TRAF2: variants seen among roughly 807,000 people sequenced by gnomAD.
TRAF2 encodes the protein TNF receptor-associated factor 2.
In TRAF2, 6 loss-of-function variants were observed where a neutral mutation model predicts 55.6. The observed-to-expected ratio is 0.11, with a 90% confidence interval of 0.06 to 0.21. The LOEUF (loss-of-function observed/expected upper bound fraction) is 0.21, where lower values mean the gene tolerates loss of function less well. Ranked by LOEUF, TRAF2 falls within the 10% of genes least tolerant of loss-of-function variation. The pLI is 1.00. For synonymous variants in TRAF2, 329 were observed against 276.3 expected (o/e 1.19, Z -1.89); for missense variants, 561 against 684.5 (o/e 0.82, Z 2.01).
At chr9:136,897,317 A>G (rs983893139) in intron 1 of TRAF2, among the ~76,000 whole-genome samples, 1 of 151,746 alleles carries the variant, frequency 6.6e-6, no homozygotes, top group African/African-American at 2.4e-5. Flanking sequence ...GCAGAAGGAG[A>G]GGGCATGGTG....
At chr9:136,906,389 AAGG>A (rs529541585) in intron 4 of TRAF2, among the ~76,000 whole-genome samples, 56 of 152,298 alleles carry the variant, frequency 3.7e-4, no homozygotes, top group Non-Finnish European at 6.0e-4. Flanking sequence ...GAGGAAGGCA[AAGG>A]AGGAGAAAGG....
chr9:136,916,963 G>T (rs2131323327), intron 7 of TRAF2, among the ~76,000 whole-genome samples: 1 of 152,204 alleles, frequency 6.6e-6, no homozygotes, highest in South Asian at 2.1e-4. Context: ...CTGTCTCCCT[G>T]CCCCCATCTC....
At chr9:136,896,903 C>A (rs546907982) in intron 1 of TRAF2, among the ~76,000 whole-genome samples, 234 of 152,268 alleles carry the variant, frequency 1.5e-3, no homozygotes, top group Non-Finnish European at 2.9e-3. Flanking sequence ...AGTTGTAGTT[C>A]GTTGAGAGGG....
At chr9:136,882,080 G>A, upstream of TRAF2, 1 of 981,228 alleles carries the variant, frequency 1.0e-6, no homozygotes, top group Non-Finnish European at 1.2e-6. Context: ...AGGGTCCCTT[G>A]TTCATGGTCC....
intron 6 of TRAF2, among the ~76,000 whole-genome samples, chr9:136,913,295 A>ATTT (rs369765173): frequency 0.095 from 8,257 of 86,892 alleles, 939 homozygotes; most frequent in Middle Eastern, 0.14. Context: ...TTATAAAGGA[A>ATTT]TTTTTTTTTT....
rs183542282 is a variant in TRAF2, at chr9:136,922,545, A to G, written c.1139-1307A>G. 1.3e-3 allele frequency: 202 copies of G among 155,380 alleles called. No homozygotes were observed. In the Middle Eastern group the frequency reaches 0.023, roughly 17 times the overall value. 9.6% of individuals were successfully genotyped at this position (155,380 alleles called of 1,614,324 possible). A position where few individuals can be genotyped will look rare whatever the true frequency, so the allele number is the denominator to read the frequency against. On this transcript the variant is annotated intron_variant, in intron 9 of 10. Coordinates refer to ENST00000247668, the MANE Select transcript of TRAF2 (RefSeq NM_021138.4). ...TCTGCTTTAAGCAATGCTGGTGAAC[A>G]CAGCTTGTGTGCGGCACGCGTGCAG...
intron 8 of TRAF2, 22 bp from the exon 9 acceptor site, chr9:136,921,016 A>AGGT (rs780647572): frequency 1.2e-6 from 2 of 1,612,566 alleles, no homozygotes; most frequent in African/African-American, 2.7e-5. Context: ...GTAAGAGGGA[A>AGGT]GGTGGTCTTG....
intron 9 of TRAF2, among the ~76,000 whole-genome samples, chr9:136,922,689 C>CG (rs1850418313): frequency 1.6e-5 from 1 of 60,894 alleles, no homozygotes; most frequent in Non-Finnish European, 2.9e-5. Flanking sequence ...GTGTGGAGGA[C>CG]AGGGATGGGG....
chr9:136,903,547 TTTA>T (rs1849871537), intron 4 of TRAF2, among the ~76,000 whole-genome samples: 1 of 151,688 alleles, frequency 6.6e-6, no homozygotes, highest in African/African-American at 2.4e-5. Flanking sequence ...TTTTTTTTTT[TTTA>T]AACTGTGTCT....
Position 136,921,057 on chromosome 9 carries a change from G to A in TRAF2, c.980G>A (p.Ser327Asn), listed in dbSNP as rs1323086155. The change falls in exon 9 of 11, where the codon AGC becomes AAC. Residue 327 changes from serine (S) to asparagine (N), a missense_variant. By Grantham distance (46) the Ser-to-Asn change is conservative (BLOSUM62 1). This residue lies in a region of TRAF2 where 426 missense variants were observed against 476.8 expected (regional missense o/e 0.89). Coordinates refer to ENST00000247668, the MANE Select transcript of TRAF2 (RefSeq NM_021138.4). ...LSSKVQQLER[S>N]IGLKDLAMAD... is the part of the protein sequence containing the mutation. ...CGGCAGGTGCAGCAGCTGGAGAGGA[G>A]CATTGGCCTCAAGGACCTGGCGATG... The A allele has an allele frequency of 6.2e-7, 1 of 1,613,860 alleles. No individual in the cohort carries two copies. The highest frequency in any genetic ancestry group is 8.5e-7 in the Non-Finnish European group (1 of 1,180,014).
chr9:136,921,962 GC>G (rs1564422004), intron 9 of TRAF2, among the ~76,000 whole-genome samples: 1 of 152,204 alleles, frequency 6.6e-6, no homozygotes, highest in Non-Finnish European at 1.5e-5. Context: ...CTCAGAACAC[GC>G]CCTCGTGCAG....
At chr9:136,915,814 A>G (rs1248482303) in intron 6 of TRAF2, among the ~76,000 whole-genome samples, 2 of 152,180 alleles carry the variant, frequency 1.3e-5, no homozygotes, top group South Asian at 4.1e-4. Flanking sequence ...TTTGGGGGAA[A>G]TTGTTCAAGG....
rs1022459332 is a variant in TRAF2, at chr9:136,899,760, C to T, written c.267+88C>T. 10 of 1,306,020 alleles carry T rather than the reference C, an allele frequency of 7.7e-6. No homozygotes were observed. In the African/African-American group the frequency reaches 1.3e-4, roughly 17 times the overall value. The allele number at this position is 1,306,020 out of a possible 1,614,324, so 80.9% of individuals were successfully genotyped here. A position where few individuals can be genotyped will look rare whatever the true frequency, so the allele number is the denominator to read the frequency against. On this transcript the variant is annotated intron_variant, in intron 3 of 10. Transcript: ENST00000247668. ...ATGGGTGGGGCTGGGCACAGTGGCTCACACCTGTAATCCCAGCACTTTGGG... is the reference window on the plus strand; with the variant it reads ...ATGGGTGGGGCTGGGCACAGTGGCTTACACCTGTAATCCCAGCACTTTGGG...
chr9:136,909,666 A>C (rs1046235087), intron 5 of TRAF2, among the ~76,000 whole-genome samples: 1 of 152,200 alleles, frequency 6.6e-6, no homozygotes, highest in African/African-American at 2.4e-5. Context: ...CGTGGCTTCC[A>C]AATCTCCTCT....
rs147753141 is a variant in TRAF2 at position 136,909,780 on chromosome 9, A to G, written c.529-140A>G. On this transcript the variant is annotated intron_variant, in intron 5 of 10. Coordinates refer to ENST00000247668, the MANE Select transcript of TRAF2 (RefSeq NM_021138.4). The stretch of plus-strand genomic sequence containing the variant: ...TGCTGGCAGGATCCTGCCCGGGAGG[A>G]GCACTGTCCTTCGAGGCTGGAGGGT... 1,029 of 776,284 alleles carry G rather than the reference A, an allele frequency of 1.3e-3. 7 individuals are homozygous for G. The African/African-American group carries it at 0.016, about 12-fold the overall frequency. 48.1% of individuals were successfully genotyped at this position (776,284 alleles called of 1,614,324 possible). A position where few individuals can be genotyped will look rare whatever the true frequency, so the allele number is the denominator to read the frequency against.
chr9:136,883,495 T>C (rs567903595), upstream of TRAF2, among the ~76,000 whole-genome samples: 6 of 152,236 alleles, frequency 3.9e-5, no homozygotes, highest in South Asian at 1.0e-3. Flanking sequence ...CTGAAGGAAG[T>C]AGAGTGTCCT....
upstream of TRAF2, chr9:136,882,153 C>T (rs1329222570): frequency 3.1e-6 from 2 of 643,398 alleles, no homozygotes; most frequent in Non-Finnish European, 1.9e-6. Context: ...GCTCTGTCGT[C>T]CCAAGACCTG....
intron 6 of TRAF2, among the ~76,000 whole-genome samples, chr9:136,910,832 C>T (rs1203916649): frequency 6.6e-6 from 1 of 152,252 alleles, no homozygotes; most frequent in Non-Finnish European, 1.5e-5. Context: ...ACAGGGCTGT[C>T]TCCTCACCTC....
intron 9 of TRAF2, 68 bp from the exon 10 acceptor site, chr9:136,923,784 A>C: frequency 6.5e-7 from 1 of 1,531,718 alleles, no homozygotes; most frequent in South Asian, 1.2e-5. Flanking sequence ...GAGGGCAGCC[A>C]GGCAGGAAGA....
Sources: allele counts gnomAD v4.1 joint callset (sites outside exome capture counted in the v4.1 genomes callset), GRCh38; gene constraint gnomAD v4.1.1; regional missense constraint gnomAD v4.1.1; transcripts MANE v1.5; gene names NCBI Gene and HGNC (gene_info 2026-07-23, HGNC 2026-07-21).